The following ZNF385B variants were observed in gnomAD, a reference collection of about 807,000 sequenced individuals.
ZNF385B encodes zinc finger protein 385B, also known as zinc finger protein 533.
A neutral mutation model predicts 39.2 loss-of-function variants in ZNF385B; 23 were observed. The ratio of observed to expected loss-of-function variants is 0.59; its 90% confidence interval spans 0.42 to 0.83. ZNF385B has a LOEUF of 0.83. Among genes scored for constraint, ZNF385B ranks in the 40% least tolerant of loss-of-function variants. The pLI is 0.00. For synonymous variants in ZNF385B, 205 were observed against 222.6 expected (o/e 0.92, Z 0.70); for missense variants, 552 against 598.9 (o/e 0.92, Z 0.82).
chr2:179,807,794 T>C (rs952652271), intron 1 of ZNF385B, among the ~76,000 whole-genome samples: 18 of 149,420 alleles, frequency 1.2e-4, no homozygotes, highest in Non-Finnish European at 2.1e-4. Context: ...ACTCAGGAGG[T>C]TGAGGCAGGA....
intron 3 of ZNF385B, among the ~76,000 whole-genome samples, chr2:179,578,815 C>G (rs1466967043): frequency 1.3e-5 from 2 of 152,030 alleles, no homozygotes; most frequent in Non-Finnish European, 2.9e-5. Context: ...AACTTTGCAT[C>G]AAGTGTGTTA....
intron 3 of ZNF385B, among the ~76,000 whole-genome samples, chr2:179,557,513 CATGTT>C (rs1574784785): frequency 6.8e-6 from 1 of 146,524 alleles, no homozygotes; most frequent in African/African-American, 2.5e-5. Flanking sequence ...AACATATATA[CATGTT>C]ATATGTGTAT....
rs111770648 is a variant in ZNF385B, at chr2:179,736,768, G to A, written c.298+32735C>T. Among the ~76,000 whole-genome samples, 1,106 of 152,156 alleles carry A rather than the reference G, an allele frequency of 7.3e-3. 19 individuals carry two copies. Among genetic ancestry groups the A allele is most frequent in the African/African-American group, 0.025 (1,053 of 41,508 alleles). On this transcript the variant is annotated intron_variant, in intron 3 of 9. Coordinates refer to ENST00000410066, the MANE Select transcript of ZNF385B (RefSeq NM_152520.6). ...GTGGATTGCCTGAGCTCAGGAGTTCGAGACCAGCCTGGGCAACATGGTGAA... is the reference window on the plus strand; with the variant it reads ...GTGGATTGCCTGAGCTCAGGAGTTCAAGACCAGCCTGGGCAACATGGTGAA...
At chr2:179,493,794 C>CATATATGTATATGCATATATGTATAG in intron 5 of ZNF385B, among the ~76,000 whole-genome samples, 1 of 97,350 alleles carries the variant, frequency 1.0e-5, no homozygotes, top group South Asian at 3.5e-4. Flanking sequence ...CATATGTATA[C>CATATATGTATATGCATATATGTATAG]ATATATGTAT....
chr2:179,596,819 A>G (rs1688038655), intron 3 of ZNF385B, among the ~76,000 whole-genome samples: 1 of 152,124 alleles, frequency 6.6e-6, no homozygotes, highest in Non-Finnish European at 1.5e-5. Flanking sequence ...GTTTACCCCA[A>G]TTTATCTCTC....
chr2:179,485,277 A>G (rs981664616), intron 5 of ZNF385B, among the ~76,000 whole-genome samples: 2 of 152,148 alleles, frequency 1.3e-5, no homozygotes, highest in African/African-American at 2.4e-5. Flanking sequence ...GTTATTATCA[A>G]TCCTCCTTCT....
At chr2:179,508,676 AT>A (rs1281592120) in intron 5 of ZNF385B, among the ~76,000 whole-genome samples, 1 of 152,200 alleles carries the variant, frequency 6.6e-6, no homozygotes, top group Non-Finnish European at 1.5e-5. Flanking sequence ...ATCATGGATA[AT>A]CATTTTCTGT....
intron 3 of ZNF385B, among the ~76,000 whole-genome samples, chr2:179,733,170 G>A (rs1482621983): frequency 1.3e-5 from 2 of 152,120 alleles, no homozygotes; most frequent in Non-Finnish European, 2.9e-5. Context: ...GAGGGTCAGC[G>A]CAACTCCTGC....
intron 3 of ZNF385B, chr2:179,562,720 A>G (rs1361239925): frequency 3.0e-6 from 1 of 338,958 alleles, no homozygotes; most frequent in African/African-American, 2.2e-5. Context: ...TCCCCCAGCT[A>G]CTCAAAAACT....
intron 3 of ZNF385B, among the ~76,000 whole-genome samples, chr2:179,603,668 G>T (rs1194464259): frequency 1.3e-5 from 2 of 152,110 alleles, no homozygotes; most frequent in Non-Finnish European, 2.9e-5. Flanking sequence ...GGAAGGTAAA[G>T]AAAATAGTGT....
chr2:179,553,876 T>A (rs2060736506), intron 3 of ZNF385B, among the ~76,000 whole-genome samples: 2 of 148,986 alleles, frequency 1.3e-5, no homozygotes, highest in South Asian at 2.2e-4. Context: ...AATTTTTTTT[T>A]AAATTAAGAT....
intron 3 of ZNF385B, among the ~76,000 whole-genome samples, chr2:179,729,421 A>ATT (rs1701239679): frequency 6.6e-6 from 1 of 152,210 alleles, no homozygotes; most frequent in Non-Finnish European, 1.5e-5. Flanking sequence ...TTGTAAACAG[A>ATT]TGTAAACCTC....
At chr2:179,495,104 G>A (rs1459876534) in intron 5 of ZNF385B, among the ~76,000 whole-genome samples, 1 of 152,134 alleles carries the variant, frequency 6.6e-6, no homozygotes, top group Non-Finnish European at 1.5e-5. Context: ...AGCATTTCGG[G>A]ACCTGCCTTG....
At chr2:179,770,195 G>A (rs575284610) in intron 2 of ZNF385B, among the ~76,000 whole-genome samples, 1 of 152,228 alleles carries the variant, frequency 6.6e-6, no homozygotes, top group South Asian at 2.1e-4. Flanking sequence ...AGTGCTATGT[G>A]ACACCTATCA....
intron 3 of ZNF385B, among the ~76,000 whole-genome samples, chr2:179,762,194 T>G (rs4556941): frequency 0.05 from 7,572 of 152,180 alleles, 264 homozygotes; most frequent in Middle Eastern, 0.1. Flanking sequence ...TTTTTGTTTT[T>G]GTTTTGGTTT....
intron 3 of ZNF385B, among the ~76,000 whole-genome samples, chr2:179,583,634 G>A (rs1222274364): frequency 6.6e-6 from 1 of 152,046 alleles, no homozygotes; most frequent in Non-Finnish European, 1.5e-5. Context: ...CATATAATAG[G>A]TACTCAGACC....
intron 3 of ZNF385B, among the ~76,000 whole-genome samples, chr2:179,670,479 A>AAAAACGAAAACG (rs1553502006): frequency 7.7e-6 from 1 of 129,960 alleles, no homozygotes; most frequent in Non-Finnish European, 1.7e-5. Context: ...AGTAGAACGT[A>AAAAACGAAAACG]AAAACAAAAA....
intron 3 of ZNF385B, among the ~76,000 whole-genome samples, chr2:179,646,434 GC>G (rs1010399404): frequency 3.5e-4 from 54 of 152,172 alleles, no homozygotes; most frequent in African/African-American, 1.3e-3. Flanking sequence ...AAACAAATAA[GC>G]AAAAAACCCT....
chr2:179,664,063 T>A (rs201124220), intron 3 of ZNF385B, among the ~76,000 whole-genome samples: 26,836 of 150,996 alleles, frequency 0.18, 2,894 homozygotes, highest in African/African-American at 0.3. Flanking sequence ...AAAAAATATT[T>A]TTTTTTTTTC....
Sources: allele counts gnomAD v4.1 joint callset (sites outside exome capture counted in the v4.1 genomes callset), GRCh38; gene constraint gnomAD v4.1.1; transcripts MANE v1.5; gene names NCBI Gene and HGNC (gene_info 2026-07-23, HGNC 2026-07-21).